The following DAB1 variants were observed in gnomAD, a reference collection of about 807,000 sequenced individuals.
DAB1 encodes DAB adaptor protein 1.
In DAB1, 15 loss-of-function variants were observed where a neutral mutation model predicts 64.6. The observed-to-expected ratio is 0.23, with a 90% CI of 0.16 to 0.36. The LOEUF (loss-of-function observed/expected upper bound fraction) is 0.36. Ranked by LOEUF, DAB1 falls within the 10% of genes least tolerant of loss-of-function variation. DAB1 has a pLI of 1.00. For missense variants in DAB1, 596 were observed against 706.7 expected (o/e 0.84, Z 1.78); for synonymous variants, 235 against 251.9 (o/e 0.93, Z 0.64).
chr1:57,293,289 T>A (rs979566461), intron 1 of DAB1, among the ~76,000 whole-genome samples: 2 of 152,178 alleles, frequency 1.3e-5, no homozygotes, highest in Admixed American at 1.3e-4. Flanking sequence ...GATGTTCTGA[T>A]CTCTGTAGCA....
At chr1:57,932,590 G>A (rs569698802) in intron 5 of DAB1, among the ~76,000 whole-genome samples, 20 of 151,758 alleles carry the variant, frequency 1.3e-4, no homozygotes, top group Non-Finnish European at 2.8e-4. Flanking sequence ...AGTTCTATCA[G>A]TGTTTATCTT....
chr1:57,163,035 C>G (rs1300780784), intron 2 of DAB1, among the ~76,000 whole-genome samples: 1 of 152,200 alleles, frequency 6.6e-6, no homozygotes, highest in East Asian at 1.9e-4. Flanking sequence ...CTATCATGGT[C>G]AGCCTAATAT....
chr1:57,375,426 GC>G (rs1680815580), intron 1 of DAB1, among the ~76,000 whole-genome samples: 2 of 152,174 alleles, frequency 1.3e-5, no homozygotes, highest in South Asian at 4.1e-4. Flanking sequence ...CAAAGGCCAT[GC>G]TTATTAACCT....
intron 5 of DAB1, among the ~76,000 whole-genome samples, chr1:57,892,086 C>T (rs1417280421): frequency 2.0e-5 from 3 of 152,176 alleles, no homozygotes; most frequent in Admixed American, 6.5e-5. Context: ...GCTGCAGCAC[C>T]CAGCACACAG....
chr1:57,191,258 G>C (rs761506764), intron 2 of DAB1, among the ~76,000 whole-genome samples: 10 of 152,150 alleles, frequency 6.6e-5, no homozygotes, highest in Non-Finnish European at 1.3e-4. Context: ...CCTGGCCAAA[G>C]TTTCTTCCTC....
intron 7 of DAB1, among the ~76,000 whole-genome samples, chr1:57,491,103 C>T (rs1029285868): frequency 1.3e-5 from 2 of 152,148 alleles, no homozygotes; most frequent in African/African-American, 4.8e-5. Context: ...TTCACTGAGC[C>T]TCAGTTACCT....
intron 2 of DAB1, among the ~76,000 whole-genome samples, chr1:57,192,588 C>T (rs143608947): frequency 6.6e-6 from 1 of 152,254 alleles, no homozygotes; most frequent in Non-Finnish European, 1.5e-5. Flanking sequence ...AACATCCTTA[C>T]TCTGATTTGG....
intron 3 of DAB1, among the ~76,000 whole-genome samples, chr1:58,455,257 G>A (rs144957284): frequency 7.2e-4 from 109 of 152,372 alleles, no homozygotes; most frequent in African/African-American, 2.5e-3. Flanking sequence ...CACTGGGAAA[G>A]CCCTGGGAGT....
intron 1 of DAB1, among the ~76,000 whole-genome samples, chr1:57,392,014 T>C (rs1227123775): frequency 6.6e-6 from 1 of 152,118 alleles, no homozygotes; most frequent in Non-Finnish European, 1.5e-5. Flanking sequence ...ATCAGACTCA[T>C]TCAGGTACAC....
intron 5 of DAB1, among the ~76,000 whole-genome samples, chr1:57,934,831 C>G (rs1223016171): frequency 6.6e-6 from 1 of 152,198 alleles, no homozygotes; most frequent in Non-Finnish European, 1.5e-5. Flanking sequence ...CTCAAATTTT[C>G]AAGACTCTTT....
At chr1:57,067,405 G>A (rs1651023618) in intron 8 of DAB1, among the ~76,000 whole-genome samples, 1 of 152,120 alleles carries the variant, frequency 6.6e-6, no homozygotes, top group African/African-American at 2.4e-5. Context: ...CTAGCTCTGG[G>A]ACCCTGGGCA....
At chr1:57,718,907 GA>G (rs1310224706) in intron 6 of DAB1, among the ~76,000 whole-genome samples, 1 of 151,168 alleles carries the variant, frequency 6.6e-6, no homozygotes, top group Non-Finnish European at 1.5e-5. Flanking sequence ...AAGTGACTGT[GA>G]AAAAAATACT....
chr1:57,574,899 G>A (rs1645232678), intron 7 of DAB1, among the ~76,000 whole-genome samples: 1 of 152,176 alleles, frequency 6.6e-6, no homozygotes, highest in Non-Finnish European at 1.5e-5. Context: ...GATGGGCAGG[G>A]CCTGCCTTTC....
rs1397079294 is a variant in DAB1, at chr1:57,221,902, T to TTTTG, written c.67+69061_67+69062insCAAA. On this transcript the variant is annotated intron_variant, in intron 2 of 14. Transcript: ENST00000371236. ...TAGTTAAATGTCATTTTTTTTTTTT[T>TTTTG]GCTTTATAGATTATTGTCCCTGGTT... Among the ~76,000 whole-genome samples the TTTTG allele has an allele frequency of 4.7e-5, 7 of 149,546 alleles. No individual in the cohort carries two copies. The East Asian group carries it at 1.4e-3, about 30-fold the overall frequency.
At chr1:57,121,127 GAA>G in intron 4 of DAB1, among the ~76,000 whole-genome samples, 1 of 137,374 alleles carries the variant, frequency 7.3e-6, no homozygotes, top group Non-Finnish European at 1.5e-5. Context: ...GGAAGAAGAA[GAA>G]GAGAAGAAGA....
At chr1:58,425,658 G>C (rs1644815765) in intron 3 of DAB1, among the ~76,000 whole-genome samples, 1 of 152,118 alleles carries the variant, frequency 6.6e-6, no homozygotes, top group Non-Finnish European at 1.5e-5. Context: ...GTATTTTAAG[G>C]ATAAGCAGAA....
intron 6 of DAB1, among the ~76,000 whole-genome samples, chr1:57,789,086 T>C (rs1262855283): frequency 1.3e-5 from 2 of 151,962 alleles, no homozygotes; most frequent in Admixed American, 6.6e-5. Context: ...TTTGGAAGGA[T>C]TGAGAGCTTA....
intron 1 of DAB1, among the ~76,000 whole-genome samples, chr1:57,353,722 C>T (rs1486995719): frequency 6.6e-6 from 1 of 152,124 alleles, no homozygotes; most frequent in Admixed American, 6.5e-5. Flanking sequence ...TGGTGGACTT[C>T]TCCACGTTGC....
chr1:57,180,968 C>G (rs1170979822), intron 2 of DAB1, among the ~76,000 whole-genome samples: 2 of 152,154 alleles, frequency 1.3e-5, no homozygotes, highest in African/African-American at 2.4e-5. Context: ...CCACATAAAT[C>G]TATGTGTAAG....
Sources: gnomAD v4.1 joint callset for allele counts (sites outside exome capture counted in the v4.1 genomes callset) on GRCh38, gnomAD v4.1.1 for gene constraint, MANE v1.5 for transcripts, NCBI Gene and HGNC (gene_info 2026-07-23, HGNC 2026-07-21) for gene names.